The following SLC36A1 variants were observed in gnomAD, a reference collection of about 807,000 sequenced individuals.
The protein encoded by SLC36A1 is solute carrier family 36 member 1.
Under a neutral mutation model 47.5 loss-of-function variants are expected in SLC36A1, and 30 were observed. The observed-to-expected ratio is 0.63, with a 90% CI of 0.47 to 0.86. SLC36A1 has a LOEUF of 0.86. Among genes scored for constraint, SLC36A1 ranks in the 40% least tolerant of loss-of-function variants. SLC36A1 has a pLI of 0.00. For missense variants in SLC36A1, 517 were observed against 606.0 expected (o/e 0.85, Z 1.54); for synonymous variants, 255 against 249.7 (o/e 1.02, Z -0.20).
the SLC36A1 span, chr5:151,550,978 C>G: frequency 8.9e-6 from 8 of 901,158 alleles, no homozygotes; most frequent in Non-Finnish European, 1.4e-5. Context: ...GTGCCTGGCA[C>G]TCAGCAATCA....
At chr5:151,543,911 G>T in the SLC36A1 span, 6 of 1,614,096 alleles carry the variant, frequency 3.7e-6, no homozygotes, top group East Asian at 1.3e-4. Flanking sequence ...CTGCTGTCAG[G>T]GTCAATAGCC....
the SLC36A1 span, among the ~76,000 whole-genome samples, chr5:151,387,512 C>G: frequency 2.6e-5 from 4 of 152,192 alleles, no homozygotes; most frequent in Non-Finnish European, 4.4e-5. Context: ...GTGCCAAGAC[C>G]TACAGAGAAG....
At chr5:151,347,214 C>T in the SLC36A1 span, 2 of 1,536,360 alleles carry the variant, frequency 1.3e-6, no homozygotes, top group South Asian at 2.2e-5. Context: ...GGTTGAGGGT[C>T]AGACACACCC....
At position 151,491,395 on chromosome 5, in the gene SLC36A1, C is replaced by G. The variant is rs1053921537; in HGVS notation, c.*3141C>G. 2 of 152,670 alleles carry G rather than the reference C, an allele frequency of 1.3e-5. No homozygotes were observed. Among genetic ancestry groups the G allele is most frequent in the African/African-American group, 2.4e-5 (1 of 41,454 alleles). 9.5% of individuals were successfully genotyped at this position (152,670 alleles called of 1,614,324 possible). On this transcript the variant is annotated 3_prime_UTR_variant, in exon 11 of 11. Transcript: ENST00000243389. Reference sequence around the variant, plus strand: ...TCCATCTCTCCTCTGCAGCCAGATTCACTGGCTGATGCTCACTGCTCACTG... The same window carrying G: ...TCCATCTCTCCTCTGCAGCCAGATTGACTGGCTGATGCTCACTGCTCACTG...
the SLC36A1 span, chr5:151,542,523 G>A: frequency 6.2e-7 from 1 of 1,614,128 alleles, no homozygotes; most frequent in South Asian, 1.1e-5. Flanking sequence ...GATAAGTCTG[G>A]CAGGTCTCAC....
intron 1 of SLC36A1, among the ~76,000 whole-genome samples, chr5:151,454,083 A>T (rs1417403124): frequency 2.8e-4 from 25 of 88,110 alleles, no homozygotes; most frequent in Non-Finnish European, 4.2e-4. Flanking sequence ...GTACACTTAA[A>T]TTTTTTTTTT....
the SLC36A1 span, chr5:151,531,632 C>T: frequency 1.2e-6 from 2 of 1,613,536 alleles, no homozygotes; most frequent in Non-Finnish European, 8.5e-7. The surrounding 1 kb of genome is among the most constrained non-coding windows in gnomAD (Gnocchi z 5.7). Flanking sequence ...TTCCCGCTGA[C>T]CACGCGGTAG....
the SLC36A1 span, chr5:151,543,674 G>A: frequency 5.6e-6 from 9 of 1,614,056 alleles, no homozygotes; most frequent in Middle Eastern, 1.6e-4. Context: ...GCCTCATAAA[G>A]GTGCTGCTGG....
chr5:151,482,104 A>G (rs1196042880), intron 10 of SLC36A1, among the ~76,000 whole-genome samples: 2 of 152,228 alleles, frequency 1.3e-5, no homozygotes, highest in Admixed American at 6.5e-5. Flanking sequence ...GCCTGTTCAG[A>G]CTGGAATGCA....
At chr5:151,527,995 C>A in the SLC36A1 span, 1 of 1,613,944 alleles carries the variant, frequency 6.2e-7, no homozygotes. Flanking sequence ...ACATGACTCA[C>A]CTGTTCCCGG....
At chr5:151,433,534 G>A (rs1031113618), upstream of SLC36A1, among the ~76,000 whole-genome samples, 4 of 150,832 alleles carry the variant, frequency 2.7e-5, no homozygotes, top group African/African-American at 7.3e-5. Flanking sequence ...CAGGTGATCC[G>A]CCCGCCTTGG....
At chr5:151,554,428 G>A in the SLC36A1 span, 39 of 1,614,076 alleles carry the variant, frequency 2.4e-5, no homozygotes, top group South Asian at 1.2e-4. Context: ...TGACCAGGTC[G>A]ATACTGAAGG....
the SLC36A1 span, among the ~76,000 whole-genome samples, chr5:151,399,215 T>C: frequency 1.3e-5 from 2 of 151,090 alleles, no homozygotes; most frequent in Non-Finnish European, 2.9e-5. Flanking sequence ...GCCTACTAAG[T>C]AGATGGGATT....
At chr5:151,424,868 T>C in the SLC36A1 span, among the ~76,000 whole-genome samples, 2 of 152,170 alleles carry the variant, frequency 1.3e-5, no homozygotes, top group Non-Finnish European at 2.9e-5. Context: ...AGAAAGTTTT[T>C]AGGGGCAATG....
chr5:151,397,611 A>G, the SLC36A1 span, among the ~76,000 whole-genome samples: 1 of 152,050 alleles, frequency 6.6e-6, no homozygotes, highest in South Asian at 2.1e-4. Context: ...CTAAAAATAC[A>G]AAATTAGCCA....
At chr5:151,542,679 G>A in the SLC36A1 span, 15 of 1,614,094 alleles carry the variant, frequency 9.3e-6, no homozygotes, top group Admixed American at 1.7e-5. Context: ...TCACTTGAAT[G>A]ACTGAGGTCC....
Position 151,458,356 on chromosome 5 carries a change from T to TATATATATATATACACAC in SLC36A1, c.-5-431_-5-430insTATATATATATACACACA, listed in dbSNP as rs796511045. 3.5e-3 allele frequency among the ~76,000 whole-genome samples: 448 copies of TATATATATATATACACAC among 129,618 alleles called. 7 individuals carry two copies. Among genetic ancestry groups the TATATATATATATACACAC allele is most frequent in the African/African-American group, 0.014 (399 of 28,256 alleles). 85.0% of individuals were successfully genotyped at this position (129,618 alleles called of 152,430 possible). ...TATGGGATATTTATATATATATATA[T>TATATATATATATACACAC]ACACACACGATTGAACTATTGCACA... On this transcript the variant is annotated intron_variant, in intron 1 of 10. Transcript: ENST00000243389.
At chr5:151,546,700 AT>A in the SLC36A1 span, among the ~76,000 whole-genome samples, 10 of 152,054 alleles carry the variant, frequency 6.6e-5, no homozygotes, top group Non-Finnish European at 1.5e-4. Flanking sequence ...ATCATACAGA[AT>A]TTTTAACCAT....
At chr5:151,374,280 T>C in the SLC36A1 span, among the ~76,000 whole-genome samples, 2 of 152,188 alleles carry the variant, frequency 1.3e-5, no homozygotes, top group Non-Finnish European at 2.9e-5. Context: ...TGTCCTGTCC[T>C]CACTTGGGGC....
Sources: gnomAD v4.1 joint callset for allele counts (sites outside exome capture counted in the v4.1 genomes callset) on GRCh38, gnomAD v4.1.1 for gene constraint, Gnocchi (gnomAD v3.1) non-coding constraint, MANE v1.5 for transcripts, NCBI Gene and HGNC (gene_info 2026-07-23, HGNC 2026-07-21) for gene names.